The following PRKCA variants were observed in gnomAD, a reference collection of about 807,000 sequenced individuals.
The protein encoded by PRKCA is protein kinase C alpha type.
A neutral mutation model predicts 87.0 loss-of-function variants in PRKCA; 27 were observed. The observed-to-expected ratio is 0.31, with a 90% confidence interval of 0.23 to 0.43. The LOEUF is 0.43. Ranked by LOEUF, PRKCA falls within the 20% of genes least tolerant of loss-of-function variation. PRKCA has a pLI of 1.00. For synonymous variants in PRKCA, 329 were observed against 311.1 expected (o/e 1.06, Z -0.61); for missense variants, 518 against 852.3 (o/e 0.61, Z 4.88).
At chr17:66,308,935 G>A (rs924310273) in intron 2 of PRKCA, among the ~76,000 whole-genome samples, 1 of 151,938 alleles carries the variant, frequency 6.6e-6, no homozygotes, top group Non-Finnish European at 1.5e-5. Flanking sequence ...TCTTCTGCAG[G>A]AGAATAACTC....
chr17:66,458,549 C>G (rs936693314), intron 2 of PRKCA, among the ~76,000 whole-genome samples: 1 of 151,842 alleles, frequency 6.6e-6, no homozygotes, highest in Non-Finnish European at 1.5e-5. Context: ...GGTGCACTCT[C>G]AGCTCACTAC....
intron 2 of PRKCA, among the ~76,000 whole-genome samples, chr17:66,449,840 G>A (rs1020166253): frequency 5.9e-5 from 9 of 152,120 alleles, no homozygotes; most frequent in African/African-American, 2.2e-4. Context: ...AACGGCCTCA[G>A]GTGTAGGCAG....
chr17:66,731,122 G>C lies in PRKCA; in HGVS notation c.919-1566G>C, dbSNP rs183196579. 1.7e-3 allele frequency among the ~76,000 whole-genome samples: 265 copies of C among 152,210 alleles called. 1 individual carries two copies. The highest frequency in any genetic ancestry group is 6.1e-3 in the African/African-American group (254 of 41,514). On this transcript the variant is annotated intron_variant, in intron 8 of 16. Coordinates refer to ENST00000413366, the MANE Select transcript of PRKCA (RefSeq NM_002737.3). ...TCCCAGCACTTTGGGAGGCCGAGGT[G>C]GGCGGATCACCTGAGGTCAGGAGTT... is the stretch of plus-strand genomic sequence containing the variant.
chr17:66,563,243 G>A (rs562278856), intron 3 of PRKCA, among the ~76,000 whole-genome samples: 1 of 152,102 alleles, frequency 6.6e-6, no homozygotes, highest in Non-Finnish European at 1.5e-5. Flanking sequence ...TAGTCTGTGG[G>A]TTTGGACAAA....
intron 5 of PRKCA, among the ~76,000 whole-genome samples, chr17:66,649,535 G>C (rs1481476517): frequency 6.6e-6 from 1 of 152,242 alleles, no homozygotes; most frequent in African/African-American, 2.4e-5. Context: ...ATGGCTCCAA[G>C]TTACAAGGTG....
intron 2 of PRKCA, among the ~76,000 whole-genome samples, chr17:66,347,564 T>C (rs1028882385): frequency 6.6e-6 from 1 of 152,196 alleles, no homozygotes; most frequent in African/African-American, 2.4e-5. Context: ...CCGCATTCTT[T>C]AGTTTGGAAA....
chr17:66,629,398 C>T (rs185178519), intron 3 of PRKCA, among the ~76,000 whole-genome samples: 3 of 152,336 alleles, frequency 2.0e-5, no homozygotes, highest in Admixed American at 2.0e-4. Context: ...CCCACATCAT[C>T]ACAGAATAGC....
At chr17:66,581,256 G>A (rs1969421399) in intron 3 of PRKCA, among the ~76,000 whole-genome samples, 1 of 152,142 alleles carries the variant, frequency 6.6e-6, no homozygotes, top group Non-Finnish European at 1.5e-5. Context: ...GGCGCATATG[G>A]TCTTCGTTGC....
At chr17:66,699,108 A>G (rs1973000879) in intron 8 of PRKCA, among the ~76,000 whole-genome samples, 1 of 150,464 alleles carries the variant, frequency 6.6e-6, no homozygotes, top group Admixed American at 6.6e-5. Context: ...CTGAGGCAGG[A>G]GGATGGCTTG....
At chr17:66,663,111 T>C (rs947399951) in intron 5 of PRKCA, among the ~76,000 whole-genome samples, 6 of 152,220 alleles carry the variant, frequency 3.9e-5, no homozygotes, top group Non-Finnish European at 8.8e-5. Flanking sequence ...AGCCAGGGCC[T>C]TCCAGGCAAG....
At chr17:66,391,176 G>C (rs1407544051) in intron 2 of PRKCA, among the ~76,000 whole-genome samples, 2 of 152,204 alleles carry the variant, frequency 1.3e-5, no homozygotes, top group Admixed American at 1.3e-4. Context: ...GGAGGAGAAG[G>C]TTGTCGTCCC....
In PRKCA at chr17:66,772,825, C is replaced by T. The variant is rs1974969304; in HGVS notation, c.1525-1162C>T. Among the ~76,000 whole-genome samples, 3 of 152,146 alleles carry T rather than the reference C, an allele frequency of 2.0e-5. No individual in the cohort carries two copies. The South Asian group carries it at 6.2e-4, about 32-fold the overall frequency. On this transcript the variant is annotated intron_variant, in intron 13 of 16. Coordinates refer to ENST00000413366, the MANE Select transcript of PRKCA (RefSeq NM_002737.3). ...GTGGACCCATCACCAATTTCAACAGCTGCCAGCATTTGCCAACTCATTTCA... is the reference window on the plus strand; with the variant it reads ...GTGGACCCATCACCAATTTCAACAGTTGCCAGCATTTGCCAACTCATTTCA...
intron 16 of PRKCA, among the ~76,000 whole-genome samples, chr17:66,800,906 G>A (rs1368800233): frequency 6.6e-6 from 1 of 152,144 alleles, no homozygotes; most frequent in Non-Finnish European, 1.5e-5. Flanking sequence ...TCTTTGCATG[G>A]TTAGTGAGTA....
At chr17:66,397,086 C>T (rs1173573255) in intron 2 of PRKCA, among the ~76,000 whole-genome samples, 1 of 149,738 alleles carries the variant, frequency 6.7e-6, no homozygotes, top group East Asian at 2.0e-4. Flanking sequence ...CTGCCTCAGC[C>T]TCCCGAGTAG....
chr17:66,427,582 C>T (rs1912883916), intron 2 of PRKCA, among the ~76,000 whole-genome samples: 2 of 152,154 alleles, frequency 1.3e-5, no homozygotes, highest in African/African-American at 4.8e-5. Flanking sequence ...TGTTTTGTAC[C>T]TCTTAACTGG....
chr17:66,494,555 T>A (rs1010531392), intron 2 of PRKCA, among the ~76,000 whole-genome samples: 6 of 152,170 alleles, frequency 3.9e-5, no homozygotes, highest in African/African-American at 1.4e-4. Flanking sequence ...GGGTCCCATC[T>A]CCCAAAACTG....
At chr17:66,309,791 A>AC (rs1259340704) in intron 2 of PRKCA, among the ~76,000 whole-genome samples, 3 of 151,904 alleles carry the variant, frequency 2.0e-5, no homozygotes, top group Non-Finnish European at 4.4e-5. Context: ...GTCCTTGCCC[A>AC]CTTTTTTTTT....
chr17:66,732,733 G>A lies in PRKCA; in HGVS notation c.964G>A (p.Glu322Lys). The change falls in exon 9 of 17, where the codon GAA becomes AAA. Residue 322 changes from glutamate to lysine, a missense_variant. This residue lies in a region of PRKCA where 300 missense variants were observed against 496.8 expected (regional missense o/e 0.60). Transcript: ENST00000413366. ...PAGNKVISPS[E>K]DRKQPSNNLD... Reference sequence around the variant, plus strand: ...TGGCAACAAAGTCATCAGTCCCTCTGAAGACAGGAAACAACCTTCCAACAA... The same window carrying A: ...TGGCAACAAAGTCATCAGTCCCTCTAAAGACAGGAAACAACCTTCCAACAA... 6.2e-7 allele frequency: 1 copy of A among 1,614,174 alleles called. No individual in the cohort carries two copies. Among genetic ancestry groups the A allele is most frequent in the South Asian group, 1.1e-5 (1 of 91,062 alleles).
intron 2 of PRKCA, among the ~76,000 whole-genome samples, chr17:66,357,385 G>T (rs1908127492): frequency 6.6e-6 from 1 of 152,174 alleles, no homozygotes; most frequent in Non-Finnish European, 1.5e-5. Context: ...GAGTTGTTAA[G>T]AATAATGAGG....
Sources: gnomAD v4.1 joint callset for allele counts (sites outside exome capture counted in the v4.1 genomes callset) on GRCh38, gnomAD v4.1.1 for gene constraint, gnomAD v4.1.1 regional missense constraint, MANE v1.5 for transcripts, NCBI Gene and HGNC (gene_info 2026-07-23, HGNC 2026-07-21) for gene names.